The following AKNAD1 variants were observed in gnomAD, a reference collection of about 807,000 sequenced individuals.
The protein encoded by AKNAD1 is AKNA domain containing 1, also known as protein AKNAD1.
A neutral mutation model predicts 90.8 loss-of-function variants in AKNAD1; 67 were observed. The observed-to-expected ratio is 0.74, with a 90% CI of 0.61 to 0.90. AKNAD1 has a LOEUF of 0.90. Among genes scored for constraint, AKNAD1 ranks in the 40% least tolerant of loss-of-function variants. The probability of loss-of-function intolerance (pLI) is 0.00; values close to 1 mark genes in which losing one functional copy is unlikely to be tolerated. For synonymous variants in AKNAD1, 327 were observed against 341.4 expected, an observed-to-expected ratio of 0.96 and a Z score of 0.46; for missense variants, 957 against 975.4, an observed-to-expected ratio of 0.98 and a Z score of 0.25.
intron 11 of AKNAD1, among the ~76,000 whole-genome samples, chr1:108,826,725 T>C (rs1664004535): frequency 7.0e-6 from 1 of 141,918 alleles, no homozygotes; most frequent in Non-Finnish European, 1.5e-5. Context: ...ATTCTTTTTT[T>C]CTTTTCTTTT....
chr1:108,820,475 A>T, intron 14 of AKNAD1, 70 bp downstream of exon 14: 2 of 988,044 alleles, frequency 2.0e-6, no homozygotes, highest in Non-Finnish European at 3.2e-6. Context: ...TAGTTAATGC[A>T]CTATCAAGTA....
rs1244951295 is a variant in AKNAD1 at position 108,820,563 on chromosome 1, T to C, written c.2231A>G (p.His744Arg). Residue 744 changes from histidine (H) to arginine (R), a missense_variant, in exon 14 of 16, where the codon CAT becomes CGT. His to Arg is a conservative substitution (Grantham distance 29). Coordinates refer to ENST00000370001, the MANE Select transcript of AKNAD1 (RefSeq NM_152763.5). Reference protein sequence around the residue: ...RVNSKSFKGEHEPTPGKKKLQ... With the variant: ...RVNSKSFKGEREPTPGKKKLQ... The stretch of plus-strand genomic sequence containing the variant: ...TACTTACTTTCCTGGTGTGGGCTCA[T>C]GTTCACCTTTAAAGGATTTTGAATT... The C allele has an allele frequency of 1.2e-6, 2 of 1,608,410 alleles. No individual in the cohort carries two copies. Among genetic ancestry groups the C allele is most frequent in the East Asian group, 2.2e-5 (1 of 44,816 alleles).
At chr1:108,832,465 T>C (rs945878679) in intron 9 of AKNAD1, among the ~76,000 whole-genome samples, 101 of 152,066 alleles carry the variant, frequency 6.6e-4, no homozygotes, top group South Asian at 1.7e-3. Flanking sequence ...CCTCAAGTGA[T>C]CCACCCGCCT....
chr1:108,822,055 T>TG (rs1663829830), intron 13 of AKNAD1, among the ~76,000 whole-genome samples: 1 of 152,022 alleles, frequency 6.6e-6, no homozygotes, highest in African/African-American at 2.4e-5. Flanking sequence ...TGGGGCATGA[T>TG]GAAGAGGCAC....
At chr1:108,852,919 A>G (rs1664914339) in intron 1 of AKNAD1, among the ~76,000 whole-genome samples, 152 bp from the exon 2 acceptor site, 1 of 152,100 alleles carries the variant, frequency 6.6e-6, no homozygotes, top group African/African-American at 2.4e-5. Context: ...ACCTCAATCC[A>G]CACTATGTTA....
At chr1:108,816,529 C>A (rs948440894) in intron 15 of AKNAD1, among the ~76,000 whole-genome samples, 1 of 151,998 alleles carries the variant, frequency 6.6e-6, no homozygotes, top group Non-Finnish European at 1.5e-5. Context: ...GACTGATGAG[C>A]ATGAATCAGA....
In AKNAD1 at chr1:108,850,483, G is replaced by A. The variant is rs528745520; in HGVS notation, c.994-907C>T. Among the ~76,000 whole-genome samples the A allele has an allele frequency of 6.6e-5, 10 of 152,222 alleles. No individual in the cohort carries two copies. The East Asian group carries it at 9.6e-4, about 15-fold the overall frequency. ...GAACCCCGACACTTCCCAATACCACGGGGGTGTAGGTTTCTCTCAGACCTA... is the reference window on the plus strand; with the variant it reads ...GAACCCCGACACTTCCCAATACCACAGGGGTGTAGGTTTCTCTCAGACCTA... On this transcript the variant is annotated intron_variant, in intron 2 of 15. Coordinates refer to ENST00000370001, the MANE Select transcript of AKNAD1 (RefSeq NM_152763.5).
chr1:108,853,174 C>A (rs1664922757), intron 1 of AKNAD1, among the ~76,000 whole-genome samples: 1 of 140,876 alleles, frequency 7.1e-6, no homozygotes, highest in Non-Finnish European at 1.5e-5. Context: ...CTCTGTCGCC[C>A]AGGCTGGAGT....
intron 14 of AKNAD1, among the ~76,000 whole-genome samples, chr1:108,819,579 T>C (rs1663744718): frequency 6.7e-6 from 1 of 149,728 alleles, no homozygotes. Flanking sequence ...AAGATTGCAC[T>C]CCAGCCTGGG....
At chr1:108,819,136 A>G (rs1328693330) in intron 14 of AKNAD1, among the ~76,000 whole-genome samples, 2 of 152,118 alleles carry the variant, frequency 1.3e-5, no homozygotes, top group Non-Finnish European at 2.9e-5. Context: ...TTGAATGAAT[A>G]CACAGACTTT....
chr1:108,834,367 G>A (rs757946163), intron 9 of AKNAD1, 80 bp downstream of exon 9: 44 of 1,215,234 alleles, frequency 3.6e-5, no homozygotes, highest in Non-Finnish European at 4.9e-5. Flanking sequence ...CAATTTCACA[G>A]TCACATTCAG....
intron 1 of AKNAD1, among the ~76,000 whole-genome samples, chr1:108,855,664 T>C (rs1665010338): frequency 1.3e-5 from 2 of 151,378 alleles, no homozygotes; most frequent in South Asian, 4.2e-4. Flanking sequence ...TGCATCCCTA[T>C]AGTCCCAGCT....
At chr1:108,829,835 C>A (rs1479718750) in intron 10 of AKNAD1, among the ~76,000 whole-genome samples, 1 of 152,148 alleles carries the variant, frequency 6.6e-6, no homozygotes, top group Non-Finnish European at 1.5e-5. Context: ...GAGCTTTGGC[C>A]GGAGTCCACA....
Position 108,847,435 on chromosome 1 carries a change from G to A in AKNAD1, c.1245+1317C>T, listed in dbSNP as rs181099746. ...TGCACTCTAGCATGAGTGACAGAAT[G>A]AGACCGTGTCTCAAAAAAAAAAAAA... On this transcript the variant is annotated intron_variant, in intron 5 of 15. Coordinates refer to ENST00000370001, the MANE Select transcript of AKNAD1 (RefSeq NM_152763.5). 3.6e-3 allele frequency among the ~76,000 whole-genome samples: 541 copies of A among 148,274 alleles called. 5 individuals are homozygous for A. The highest frequency in any genetic ancestry group is 0.013 in the African/African-American group (525 of 40,282).
At chr1:108,824,431 A>G (rs1244361419) in intron 11 of AKNAD1, among the ~76,000 whole-genome samples, 1 of 151,906 alleles carries the variant, frequency 6.6e-6, no homozygotes, top group Admixed American at 6.6e-5. Flanking sequence ...ATTAAAGTGA[A>G]GTCATCCCTG....
chr1:108,817,182 A>G lies in AKNAD1; in HGVS notation c.2250-5T>C, dbSNP rs781355672. ...ATGAAAGCCTGAAGTTTTTTTCTGG[A>G]AGACAAAAGCACATTGATACTTGTG... On this transcript the variant is annotated splice_polypyrimidine_tract_variant and splice_region_variant and intron_variant, in intron 14 of 15. Transcript: ENST00000370001. 4 of 1,613,928 alleles carry G rather than the reference A, an allele frequency of 2.5e-6. No individual in the cohort carries two copies. The highest frequency in any genetic ancestry group is 3.4e-6 in the Non-Finnish European group (4 of 1,179,914).
chr1:108,834,451 G>C lies in AKNAD1; in HGVS notation c.1742C>G (p.Ser581Cys), dbSNP rs1457981955. The change falls in exon 9 of 16, where the codon TCT (serine) becomes TGT (cysteine). Residue 581 changes from serine (S) to cysteine (C), a missense_variant. Ser to Cys is a moderately radical substitution (Grantham distance 112). Coordinates refer to ENST00000370001, the MANE Select transcript of AKNAD1 (RefSeq NM_152763.5). The stretch of plus-strand genomic sequence containing the variant: ...GCCCCGGCTGCAGGACATTACCCCA[G>C]AGTTAGAAGACAGCCTCATGGCCAC... ...DQVAMRLSSN[S>C]GEDPNGTPRR... 6.2e-7 allele frequency: 1 copy of C among 1,608,876 alleles called. No homozygotes were observed. Among genetic ancestry groups the C allele is most frequent in the East Asian group, 2.2e-5 (1 of 44,830 alleles).
intron 5 of AKNAD1, 57 bp downstream of exon 5, chr1:108,848,695 C>A: frequency 6.8e-7 from 1 of 1,470,894 alleles, no homozygotes; most frequent in Non-Finnish European, 9.3e-7. Context: ...AGTTATTTAT[C>A]TTTATCCAAG....
At chr1:108,820,137 C>T (rs1050349798) in intron 14 of AKNAD1, among the ~76,000 whole-genome samples, 3 of 152,130 alleles carry the variant, frequency 2.0e-5, no homozygotes, top group African/African-American at 7.2e-5. Context: ...AGGAAGCTTT[C>T]CTAGACTGGA....
Sources: gnomAD v4.1 joint callset for allele counts (sites outside exome capture counted in the v4.1 genomes callset) on GRCh38, gnomAD v4.1.1 for gene constraint, MANE v1.5 for transcripts, NCBI Gene and HGNC (gene_info 2026-07-23, HGNC 2026-07-21) for gene names.